ATP8A1: variants seen among roughly 807,000 people sequenced by gnomAD.
ATP8A1 encodes the protein phospholipid-transporting ATPase IA.
In ATP8A1, 90 loss-of-function variants were observed where a neutral mutation model predicts 177.7. That is an observed-to-expected ratio of 0.51 (90% CI 0.43 to 0.60). ATP8A1 has a LOEUF of 0.60. Ranked by LOEUF, ATP8A1 falls within the 20% of genes least tolerant of loss-of-function variation. The probability of loss-of-function intolerance (pLI) is 0.00; values close to 1 mark genes in which losing one functional copy is unlikely to be tolerated. For synonymous variants in ATP8A1, 493 were observed against 485.9 expected, an observed-to-expected ratio of 1.01 and a Z score of -0.19; for missense variants, 1,072 against 1,392.8, an observed-to-expected ratio of 0.77 and a Z score of 3.67.
Position 42,556,058 on chromosome 4 carries a change from T to G in ATP8A1, c.1341-18A>C, listed in dbSNP as rs1356574731. The G allele has an allele frequency of 1.9e-6, 3 of 1,585,486 alleles. No individual in the cohort carries two copies. Among genetic ancestry groups the G allele is most frequent in the South Asian group, 1.1e-5 (1 of 89,436 alleles). The stretch of plus-strand genomic sequence containing the variant: ...AGTTCTGCCTGAAGGGGGTAAAAAA[T>G]AGAGTAAACCCAGTTCATTTATACC... On this transcript the variant is annotated intron_variant, in intron 15 of 36. Transcript: ENST00000381668.
chr4:42,440,573 C>A (rs555489254), intron 33 of ATP8A1, among the ~76,000 whole-genome samples: 1 of 151,962 alleles, frequency 6.6e-6, no homozygotes, highest in Non-Finnish European at 1.5e-5. Context: ...ATCCACAGTG[C>A]CTAGAATAGC....
intron 24 of ATP8A1, among the ~76,000 whole-genome samples, chr4:42,489,529 A>T (rs547307621): frequency 1.3e-5 from 2 of 152,266 alleles, no homozygotes; most frequent in African/African-American, 4.8e-5. Flanking sequence ...CAGTGAATTC[A>T]CTCGTCAGCC....
At chr4:42,465,152 A>T in intron 25 of ATP8A1, 76 bp from the exon 26 acceptor site, 1 of 1,267,738 alleles carries the variant, frequency 7.9e-7, no homozygotes, top group Non-Finnish European at 1.1e-6. Flanking sequence ...TGAAGGATAA[A>T]AGATGCAAAA....
At chr4:42,575,788 T>C in intron 12 of ATP8A1, 89 bp from the exon 13 acceptor site, 1 of 1,061,930 alleles carries the variant, frequency 9.4e-7, no homozygotes, top group South Asian at 1.3e-5. Flanking sequence ...ATATTCGTAC[T>C]TCAATAAGTC....
intron 15 of ATP8A1, among the ~76,000 whole-genome samples, chr4:42,558,015 G>C (rs1220525009): frequency 2.6e-5 from 4 of 152,126 alleles, no homozygotes; most frequent in Non-Finnish European, 5.9e-5. Context: ...CTGGGTAACA[G>C]AGCAAGACTA....
At chr4:42,485,438 C>A in intron 25 of ATP8A1, 58 bp downstream of exon 25, 1 of 1,463,592 alleles carries the variant, frequency 6.8e-7, no homozygotes, top group South Asian at 1.4e-5. Flanking sequence ...GTTTATAAAT[C>A]AAGAACTTAG....
intron 27 of ATP8A1, 52 bp downstream of exon 27, chr4:42,464,638 T>C (rs1719534470): frequency 1.9e-6 from 2 of 1,060,434 alleles, no homozygotes; most frequent in Admixed American, 2.3e-5. Flanking sequence ...AAAGAAAATT[T>C]CTTTAAATAT....
chr4:42,611,925 G>A (rs369107164), intron 5 of ATP8A1, among the ~76,000 whole-genome samples: 2 of 152,234 alleles, frequency 1.3e-5, no homozygotes, highest in East Asian at 1.9e-4. Context: ...GCCAAAATGT[G>A]AGTTCAAATA....
chr4:42,470,451 A>G (rs970617350), intron 25 of ATP8A1, among the ~76,000 whole-genome samples: 2 of 152,184 alleles, frequency 1.3e-5, no homozygotes, highest in African/African-American at 2.4e-5. Flanking sequence ...TCTAAATGAA[A>G]TATGAAGAAT....
intron 25 of ATP8A1, among the ~76,000 whole-genome samples, chr4:42,472,982 G>T (rs1720618729): frequency 6.6e-6 from 1 of 152,086 alleles, no homozygotes; most frequent in African/African-American, 2.4e-5. Context: ...AAACGTAAAT[G>T]GAAAAGGCAA....
chr4:42,635,810 T>C lies in ATP8A1; in HGVS notation c.50-8701A>G, dbSNP rs560270096. Among the ~76,000 whole-genome samples, 340 of 103,778 alleles carry C rather than the reference T, an allele frequency of 3.3e-3. 6 individuals are homozygous for C. The highest frequency in any genetic ancestry group is 9.4e-3 in the Admixed American group (102 of 10,852). The allele number at this position is 103,778 out of a possible 152,430, so 68.1% of individuals were successfully genotyped here. ...ATATATATATATATATATATATATATACACATGTATGTATGTATGTAAGCT... is the reference window on the plus strand; with the variant it reads ...ATATATATATATATATATATATATACACACATGTATGTATGTATGTAAGCT... On this transcript the variant is annotated intron_variant, in intron 1 of 36. Coordinates refer to ENST00000381668, the MANE Select transcript of ATP8A1 (RefSeq NM_006095.2).
intron 15 of ATP8A1, among the ~76,000 whole-genome samples, chr4:42,556,414 C>T (rs185146315): frequency 1.2e-4 from 18 of 152,074 alleles, no homozygotes; most frequent in African/African-American, 3.9e-4. Context: ...TAAGAATTAA[C>T]GAAAGCTATT....
chr4:42,636,104 A>G (rs1739308027), intron 1 of ATP8A1, among the ~76,000 whole-genome samples: 1 of 136,364 alleles, frequency 7.3e-6, no homozygotes, highest in Admixed American at 7.5e-5. Context: ...CTCCAAAGGA[A>G]AGCAATGGGC....
intron 20 of ATP8A1, among the ~76,000 whole-genome samples, chr4:42,535,694 AGATAGACCACAT>A (rs1225795511): frequency 1.3e-5 from 2 of 152,224 alleles, no homozygotes; most frequent in Admixed American, 6.5e-5. Context: ...ACATTCTCCA[AGATAGACCACAT>A]GATAGACCAC....
intron 4 of ATP8A1, among the ~76,000 whole-genome samples, chr4:42,616,995 T>C (rs1435872739): frequency 6.6e-6 from 1 of 152,186 alleles, no homozygotes; most frequent in African/African-American, 2.4e-5. Flanking sequence ...CGCTCAAAGA[T>C]TGTATCATAC....
At chr4:42,474,314 T>C (rs774689127) in intron 25 of ATP8A1, among the ~76,000 whole-genome samples, 8 of 152,122 alleles carry the variant, frequency 5.3e-5, no homozygotes, top group African/African-American at 1.7e-4. Flanking sequence ...TCTGGCTGCA[T>C]TGTTCCCTGC....
Position 42,441,137 on chromosome 4 carries a change from G to A in ATP8A1, c.3123+2428C>T, listed in dbSNP as rs576609930. ...TACGTGGATATCATAAACATGTCAA[G>A]GCAGCAGATGCTAACATTTAACTTA... On this transcript the variant is annotated intron_variant, in intron 33 of 36. Transcript: ENST00000381668. 5.0e-4 allele frequency among the ~76,000 whole-genome samples: 76 copies of A among 152,218 alleles called. 1 individual carries two copies. The highest frequency in any genetic ancestry group is 1.7e-3 in the African/African-American group (72 of 41,536).
intron 25 of ATP8A1, among the ~76,000 whole-genome samples, chr4:42,483,496 T>C (rs1199028317): frequency 6.6e-6 from 1 of 152,074 alleles, no homozygotes; most frequent in Non-Finnish European, 1.5e-5. Flanking sequence ...CACATCTTTA[T>C]AAGCTCAGTT....
At chr4:42,598,801 T>C (rs186641320) in intron 6 of ATP8A1, among the ~76,000 whole-genome samples, 2 of 152,326 alleles carry the variant, frequency 1.3e-5, no homozygotes, top group East Asian at 3.9e-4. Context: ...AGAATGATGT[T>C]AATTTTTGAA....
Sources: allele counts gnomAD v4.1 joint callset (sites outside exome capture counted in the v4.1 genomes callset), GRCh38; gene constraint gnomAD v4.1.1; transcripts MANE v1.5; gene names NCBI Gene and HGNC (gene_info 2026-07-23, HGNC 2026-07-21).